Variants in EPYC observed in about 807,000 individuals in gnomAD.
EPYC encodes the protein epiphycan.
A neutral mutation model predicts 30.1 loss-of-function variants in EPYC; 28 were observed. The observed-to-expected ratio is 0.93, with a 90% CI of 0.69 to 1.28. The LOEUF (loss-of-function observed/expected upper bound fraction) is 1.28, where lower values mean the gene tolerates loss of function less well. Ranked by LOEUF, EPYC falls within the 50% of genes most tolerant of loss-of-function variation. EPYC has a pLI of 0.00. For synonymous variants in EPYC, 144 were observed against 141.4 expected, an observed-to-expected ratio of 1.02 and a Z score of -0.13; for missense variants, 382 against 383.5, an observed-to-expected ratio of 1.00 and a Z score of 0.03.
At position 91,002,540 on chromosome 12, in the gene EPYC, A is replaced by G. The variant is rs1413862092; in HGVS notation, c.26T>C (p.Leu9Pro). The G allele has an allele frequency of 6.2e-7, 1 of 1,612,538 alleles. No homozygotes were observed. The highest frequency in any genetic ancestry group is 1.1e-5 in the South Asian group (1 of 90,716). MKTLAGLV[L>P]GLVIFDAAVT... The stretch of plus-strand genomic sequence containing the variant: ...AGCAGCATCAAAGATGACAAGTCCC[A>G]GAACAAGTCCTGCTAATGTCTTCAT... The change falls in exon 2 of 7, where the codon CTG (leucine) becomes CCG (proline). Residue 9 changes from leucine to proline, a missense_variant. By Grantham distance (98) the Leu-to-Pro change is moderately conservative. Transcript: ENST00000261172.
intron 3 of EPYC, among the ~76,000 whole-genome samples, chr12:90,976,304 A>G (rs938919126): frequency 6.6e-6 from 1 of 152,070 alleles, no homozygotes; most frequent in African/African-American, 2.4e-5. Context: ...ATTTTGAGAG[A>G]AAAAAATGCA....
At chr12:91,002,981 A>G (rs1446555058) in intron 1 of EPYC, among the ~76,000 whole-genome samples, 2 of 152,142 alleles carry the variant, frequency 1.3e-5, no homozygotes, top group Non-Finnish European at 2.9e-5. Context: ...GATGACTGCA[A>G]CTGTCATACC....
At chr12:90,969,523 T>A (rs1041441779) in intron 6 of EPYC, among the ~76,000 whole-genome samples, 4 of 146,906 alleles carry the variant, frequency 2.7e-5, no homozygotes, top group African/African-American at 5.0e-5. Context: ...ATATGGTGTT[T>A]AAAAAAAAAA....
At position 90,963,961 on chromosome 12, in the gene EPYC, TAG is replaced by T; in HGVS notation, c.*193_*194del. 2.3e-6 allele frequency: 1 copy of T among 426,102 alleles called. No individual in the cohort carries two copies. The highest frequency in any genetic ancestry group is 4.2e-6 in the Non-Finnish European group (1 of 240,598). 26.4% of individuals were successfully genotyped at this position (426,102 alleles called of 1,614,324 possible). ...AGTTTTGCTCTTTTTGTAAATGTTA[TAG>T]GTTTATTCCTAACTCATCTGGTGTT... On this transcript the variant is annotated 3_prime_UTR_variant, in exon 7 of 7. Transcript: ENST00000261172.
At position 91,004,927 on chromosome 12, in the gene EPYC, A is replaced by C. The variant is rs1877917856; in HGVS notation, c.-14+20T>G. On this transcript the variant is annotated intron_variant, in intron 1 of 6. Coordinates refer to ENST00000261172, the MANE Select transcript of EPYC (RefSeq NM_004950.5). Reference sequence around the variant, plus strand: ...GGGAAAGAACTCTGACCCAAGAAGAAAGCAAGTATAAAAACTTACCTTTGG... The same window carrying C: ...GGGAAAGAACTCTGACCCAAGAAGACAGCAAGTATAAAAACTTACCTTTGG... The C allele has an allele frequency of 6.6e-6, 1 of 151,906 alleles. No homozygotes were observed. Among genetic ancestry groups the C allele is most frequent in the African/African-American group, 2.4e-5 (1 of 41,390 alleles). 9.4% of individuals were successfully genotyped at this position (151,906 alleles called of 1,614,324 possible). A position where few individuals can be genotyped will look rare whatever the true frequency, so the allele number is the denominator to read the frequency against.
At chr12:90,990,614 C>T (rs144481502) in intron 2 of EPYC, among the ~76,000 whole-genome samples, 7 of 152,202 alleles carry the variant, frequency 4.6e-5, no homozygotes, top group African/African-American at 1.7e-4. Context: ...AGTGCCACCA[C>T]ATTCTCTGTA....
chr12:90,965,443 A>C (rs980883630), intron 6 of EPYC, among the ~76,000 whole-genome samples: 2 of 152,152 alleles, frequency 1.3e-5, no homozygotes, highest in African/African-American at 4.8e-5. Context: ...ACCGTTTTCC[A>C]AAGTAGGTGC....
In EPYC at chr12:91,002,020, C is replaced by G. The variant is rs528503087; in HGVS notation, c.165+381G>C. Among the ~76,000 whole-genome samples the G allele has an allele frequency of 1.2e-4, 18 of 151,666 alleles. 1 individual carries two copies. In the East Asian group the frequency reaches 3.5e-3, roughly 30 times the overall value. ...TGGCCAACATGGTGAAATCCCATCT[C>G]TACTAAAAATACAAAAATTAGCTGC... On this transcript the variant is annotated intron_variant, in intron 2 of 6. Transcript: ENST00000261172.
At chr12:90,969,433 T>C (rs1299809044) in intron 6 of EPYC, among the ~76,000 whole-genome samples, 1 of 152,070 alleles carries the variant, frequency 6.6e-6, no homozygotes, top group Non-Finnish European at 1.5e-5. Flanking sequence ...AAAATATTAT[T>C]CATTCATTAA....
chr12:90,974,406 C>T (rs1877133792), intron 3 of EPYC, among the ~76,000 whole-genome samples: 1 of 151,998 alleles, frequency 6.6e-6, no homozygotes, highest in Non-Finnish European at 1.5e-5. Flanking sequence ...GGAAAAGTTG[C>T]CACAAATGTT....
Position 90,964,192 on chromosome 12 carries a change from C to T in EPYC, c.933G>A (p.Met311Ile). 1 of 1,613,164 alleles carries T rather than the reference C, an allele frequency of 6.2e-7. No homozygotes were observed. Among genetic ancestry groups the T allele is most frequent in the Non-Finnish European group, 8.5e-7 (1 of 1,179,372 alleles). ...TCCCAACAGGCAGACGAGGTAGACA[C>T]ATGTATGCTTGAGGAGTTTTGCTGA... ...INLSKTPQAY[M>I]CLPRLPVGSL... The change falls in exon 7 of 7, where the codon ATG becomes ATA. Residue 311 changes from methionine to isoleucine, a missense_variant. Coordinates refer to ENST00000261172, the MANE Select transcript of EPYC (RefSeq NM_004950.5).
At chr12:91,003,769 C>T (rs1877887245) in intron 1 of EPYC, among the ~76,000 whole-genome samples, 1 of 152,042 alleles carries the variant, frequency 6.6e-6, no homozygotes, top group African/African-American at 2.4e-5. Flanking sequence ...GGTGTTACTA[C>T]CTATGCATAC....
At chr12:90,987,461 C>T (rs1877480843) in intron 2 of EPYC, among the ~76,000 whole-genome samples, 1 of 152,070 alleles carries the variant, frequency 6.6e-6, no homozygotes, top group Non-Finnish European at 1.5e-5. Context: ...CTAAAATAAA[C>T]CTGTCTTTGA....
At chr12:90,967,963 C>G (rs1341808568) in intron 6 of EPYC, among the ~76,000 whole-genome samples, 1 of 151,842 alleles carries the variant, frequency 6.6e-6, no homozygotes, top group African/African-American at 2.4e-5. Flanking sequence ...GAGCAAGACC[C>G]TTTCTATAAA....
chr12:90,996,513 T>C (rs1355909516), intron 2 of EPYC, among the ~76,000 whole-genome samples: 1 of 151,908 alleles, frequency 6.6e-6, no homozygotes, highest in East Asian at 1.9e-4. Flanking sequence ...AAGAAACCAT[T>C]CCTCAAAATT....
chr12:90,992,392 T>C (rs1437113689), intron 2 of EPYC, among the ~76,000 whole-genome samples: 1 of 152,056 alleles, frequency 6.6e-6, no homozygotes, highest in Admixed American at 6.6e-5. Context: ...TAGAGAAAAC[T>C]TTCCGAGGGG....
At chr12:90,986,994 C>G (rs987511946) in intron 2 of EPYC, among the ~76,000 whole-genome samples, 2 of 152,018 alleles carry the variant, frequency 1.3e-5, no homozygotes, top group African/African-American at 4.8e-5. Flanking sequence ...ACAGTTGAAT[C>G]AGTATGGGTA....
chr12:91,001,810 A>G (rs1471637535), intron 2 of EPYC, among the ~76,000 whole-genome samples: 1 of 151,854 alleles, frequency 6.6e-6, no homozygotes, highest in Non-Finnish European at 1.5e-5. Context: ...ACTTTTTCTA[A>G]TTTTCTCTGT....
At chr12:90,988,124 G>GA (rs1429228379) in intron 2 of EPYC, among the ~76,000 whole-genome samples, 1 of 152,040 alleles carries the variant, frequency 6.6e-6, no homozygotes, top group East Asian at 1.9e-4. Context: ...ATTATAACAG[G>GA]AAAAACAAGG....
Sources: gnomAD v4.1 joint callset for allele counts (sites outside exome capture counted in the v4.1 genomes callset) on GRCh38, gnomAD v4.1.1 for gene constraint, MANE v1.5 for transcripts, NCBI Gene and HGNC (gene_info 2026-07-23, HGNC 2026-07-21) for gene names.